PTPN14: variants seen among roughly 807,000 people sequenced by gnomAD.
PTPN14 encodes the protein protein tyrosine phosphatase non-receptor type 14.
PTPN14 carries 53 observed loss-of-function variants against 126.8 expected under a neutral mutation model. That is an observed-to-expected ratio of 0.42 (90% CI 0.34 to 0.53). The LOEUF is 0.53. PTPN14 is among the 20% of genes least tolerant of loss of function. PTPN14 has a pLI of 0.08. For synonymous variants in PTPN14, 630 were observed against 599.3 expected (o/e 1.05, Z -0.75); for missense variants, 1,257 against 1,552.9 (o/e 0.81, Z 3.20).
Position 214,354,092 on chromosome 1 carries a change from C to G in PTPN14, c.*3830G>C, listed in dbSNP as rs1657761977. 1 of 152,194 alleles carries G rather than the reference C, an allele frequency of 6.6e-6. No individual in the cohort carries two copies. The highest frequency in any genetic ancestry group is 2.1e-4 in the South Asian group (1 of 4,830). 9.4% of individuals were successfully genotyped at this position (152,194 alleles called of 1,614,324 possible). Reference sequence around the variant, plus strand: ...AGGTTAAGTAGGTGTAAGCCATGGTCAAGTCCTACAAGGCCCACCCTCAGC... The same window carrying G: ...AGGTTAAGTAGGTGTAAGCCATGGTGAAGTCCTACAAGGCCCACCCTCAGC... On this transcript the variant is annotated 3_prime_UTR_variant, in exon 19 of 19. Transcript: ENST00000366956.
At chr1:214,451,700 C>T in intron 3 of PTPN14, 105 bp downstream of exon 3, 1 of 1,327,152 alleles carries the variant, frequency 7.5e-7, no homozygotes, top group South Asian at 1.5e-5. Context: ...CACACACCCG[C>T]ACCCACACCC....
chr1:214,380,557 G>A (rs768804583), intron 13 of PTPN14, among the ~76,000 whole-genome samples: 41 of 152,298 alleles, frequency 2.7e-4, no homozygotes, highest in South Asian at 1.9e-3. Flanking sequence ...CTATAAAAGC[G>A]GCGGAACCAT....
At position 214,376,335 on chromosome 1, in the gene PTPN14, G is replaced by A; in HGVS notation, c.2791C>T (p.Pro931Ser). 6.2e-7 allele frequency: 1 copy of A among 1,614,136 alleles called. No homozygotes were observed. Among genetic ancestry groups the A allele is most frequent in the Non-Finnish European group, 8.5e-7 (1 of 1,180,000 alleles). ...ANGIFSTAAL[P>S]ENAERSRIRE... ...ATTCGGCTGCGCTCGGCGTTTTCTG[G>A]CAGAGCTGCTGTGCTGAAAATGCCA... Residue 931 changes from proline to serine, a missense_variant, in exon 15 of 19, where the codon CCA (proline) becomes TCA (serine). Physicochemically the swap from Pro to Ser is moderately conservative, Grantham distance 74 (BLOSUM62 -1). Around this residue, in one of 3 missense-constraint regions of PTPN14, gnomAD observed 65 missense variants for 139.7 expected, o/e 0.47. Coordinates refer to ENST00000366956, the MANE Select transcript of PTPN14 (RefSeq NM_005401.5).
chr1:214,373,999 G>A (rs1012642864), intron 15 of PTPN14, among the ~76,000 whole-genome samples: 1 of 152,168 alleles, frequency 6.6e-6, no homozygotes, highest in African/African-American at 2.4e-5. Context: ...AATACTAGCT[G>A]CTGAGAACCA....
At position 214,386,840 on chromosome 1, in the gene PTPN14, T is replaced by C; in HGVS notation, c.1066+4A>G. 1 of 1,585,938 alleles carries C rather than the reference T, an allele frequency of 6.3e-7. No homozygotes were observed. The highest frequency in any genetic ancestry group is 8.7e-7 in the Non-Finnish European group (1 of 1,155,060). On this transcript the variant is annotated splice_donor_region_variant and intron_variant, in intron 12 of 18. Coordinates refer to ENST00000366956, the MANE Select transcript of PTPN14 (RefSeq NM_005401.5). ...AAGAAGGGAGAACGGCAAGCCAGAG[T>C]TACCTTGCGAGGTGTGCGTTTCCGA...
intron 1 of PTPN14, among the ~76,000 whole-genome samples, chr1:214,500,241 A>C (rs1454150687): frequency 1.3e-5 from 2 of 152,124 alleles, no homozygotes; most frequent in Non-Finnish European, 2.9e-5. Flanking sequence ...CAATTGTCAA[A>C]GACACCGGAA....
At chr1:214,520,065 A>AATATATATAT (rs1553274995) in intron 1 of PTPN14, among the ~76,000 whole-genome samples, 54 of 71,028 alleles carry the variant, frequency 7.6e-4, no homozygotes, top group African/African-American at 1.6e-3. Flanking sequence ...AAAAAAAAAA[A>AATATATATAT]ATATATATAT....
At chr1:214,447,263 G>C (rs1448690521) in intron 3 of PTPN14, among the ~76,000 whole-genome samples, 1 of 152,110 alleles carries the variant, frequency 6.6e-6, no homozygotes, top group East Asian at 1.9e-4. Context: ...TCAATATTCA[G>C]TTCGGACCTC....
Position 214,383,254 on chromosome 1 carries a change from G to A in PTPN14, c.2544+57C>T, listed in dbSNP as rs1658514208. Reference sequence around the variant, plus strand: ...CTGCATAAGCCCTGCCCCTTGCTCAGTGCCTGAAGCATGTGCTTTCACACT... The same window carrying A: ...CTGCATAAGCCCTGCCCCTTGCTCAATGCCTGAAGCATGTGCTTTCACACT... On this transcript the variant is annotated intron_variant, in intron 13 of 18. Coordinates refer to ENST00000366956, the MANE Select transcript of PTPN14 (RefSeq NM_005401.5). The surrounding 1 kb of genome is among the most constrained non-coding windows in gnomAD (Gnocchi z 4.4). The A allele has an allele frequency of 1.9e-6, 3 of 1,565,272 alleles. No homozygotes were observed. The highest frequency in any genetic ancestry group is 2.7e-5 in the African/African-American group (2 of 74,044).
intron 1 of PTPN14, among the ~76,000 whole-genome samples, chr1:214,537,980 T>G (rs1655748042): frequency 6.6e-6 from 1 of 152,160 alleles, no homozygotes; most frequent in South Asian, 2.1e-4. Flanking sequence ...ATATTTTACT[T>G]TTTTTTGATA....
intron 5 of PTPN14, among the ~76,000 whole-genome samples, chr1:214,409,002 T>C (rs750132860): frequency 1.3e-5 from 2 of 152,256 alleles, no homozygotes; most frequent in Non-Finnish European, 2.9e-5. Flanking sequence ...CATCTATTTA[T>C]AGTACAATGT....
chr1:214,404,772 G>C (rs1659123464), intron 5 of PTPN14, among the ~76,000 whole-genome samples: 1 of 152,136 alleles, frequency 6.6e-6, no homozygotes, highest in Non-Finnish European at 1.5e-5. Flanking sequence ...TTGTGTACTT[G>C]ACTTTGTTCT....
At chr1:214,395,588 AAC>A (rs57357032) in intron 8 of PTPN14, among the ~76,000 whole-genome samples, 17,300 of 132,284 alleles carry the variant, frequency 0.13, 1,241 homozygotes, top group South Asian at 0.23. Context: ...GGGACCCAAC[AAC>A]ACACACACAC....
intron 1 of PTPN14, among the ~76,000 whole-genome samples, chr1:214,543,272 T>C (rs1160349360): frequency 6.6e-6 from 1 of 152,200 alleles, no homozygotes; most frequent in Non-Finnish European, 1.5e-5. Flanking sequence ...TTCCTAACCC[T>C]TCAGTGATAT....
Position 214,542,449 on chromosome 1 carries a change from G to A in PTPN14, c.-155+8734C>T, listed in dbSNP as rs372054334. ...CTCACAGGGCATTCTTGGGCAAGGG[G>A]AAGGCAGACCTGCATGGACAGTTAC... On this transcript the variant is annotated intron_variant, in intron 1 of 18. Transcript: ENST00000366956. 2.0e-3 allele frequency among the ~76,000 whole-genome samples: 306 copies of A among 152,312 alleles called. 1 individual carries two copies. The highest frequency in any genetic ancestry group is 7.3e-3 in the African/African-American group (304 of 41,566).
intron 5 of PTPN14, among the ~76,000 whole-genome samples, chr1:214,406,381 T>C (rs906009143): frequency 1.3e-5 from 2 of 151,030 alleles, no homozygotes; most frequent in African/African-American, 4.9e-5. Context: ...CTTAGGAAGC[T>C]GAGGCAGGAG....
At chr1:214,543,910 C>T (rs772164411) in intron 1 of PTPN14, among the ~76,000 whole-genome samples, 3 of 152,220 alleles carry the variant, frequency 2.0e-5, no homozygotes, top group East Asian at 1.9e-4. Flanking sequence ...TGAGCCACTG[C>T]GCCCGGCCAC....
At chr1:214,449,395 T>C (rs1247976343) in intron 3 of PTPN14, among the ~76,000 whole-genome samples, 1 of 152,316 alleles carries the variant, frequency 6.6e-6, no homozygotes, top group Admixed American at 6.5e-5. Context: ...CTGCTCTTTC[T>C]CACCAATAGG....
intron 3 of PTPN14, among the ~76,000 whole-genome samples, chr1:214,417,026 A>G (rs972041854): frequency 6.6e-6 from 1 of 152,240 alleles, no homozygotes; most frequent in African/African-American, 2.4e-5. Context: ...AAAGGAAAAA[A>G]AAAAACAACA....
Sources: gnomAD v4.1 joint callset for allele counts (sites outside exome capture counted in the v4.1 genomes callset) on GRCh38, gnomAD v4.1.1 for gene constraint, gnomAD v4.1.1 regional missense constraint, Gnocchi (gnomAD v3.1) non-coding constraint, MANE v1.5 for transcripts, NCBI Gene and HGNC (gene_info 2026-07-23, HGNC 2026-07-21) for gene names.